Variants in SEMA5A observed in about 807,000 individuals in gnomAD.
SEMA5A encodes the protein semaphorin 5A, also known as semaphorin-5A.
SEMA5A carries 55 observed loss-of-function variants against 135.5 expected under a neutral mutation model. That is an observed-to-expected ratio of 0.41 (90% CI 0.33 to 0.51). SEMA5A has a LOEUF of 0.51. SEMA5A is among the 20% of genes least tolerant of loss of function. The pLI is 0.37. For missense variants in SEMA5A, 1,290 were observed against 1,419.9 expected (o/e 0.91, Z 1.47); for synonymous variants, 580 against 546.5 (o/e 1.06, Z -0.85).
intron 12 of SEMA5A, among the ~76,000 whole-genome samples, chr5:9,142,724 T>G (rs527911144): frequency 1.1e-4 from 16 of 152,310 alleles, no homozygotes; most frequent in African/African-American, 3.6e-4. Context: ...CCCAACACTT[T>G]GGGAGCTAAA....
intron 16 of SEMA5A, among the ~76,000 whole-genome samples, chr5:9,090,722 G>A (rs1309310652): frequency 1.3e-5 from 2 of 152,202 alleles, no homozygotes; most frequent in African/African-American, 4.8e-5. Flanking sequence ...AAGAGACAGG[G>A]CACCTGCAAC....
chr5:9,467,512 G>C (rs375461510), intron 1 of SEMA5A, among the ~76,000 whole-genome samples: 13 of 152,184 alleles, frequency 8.5e-5, no homozygotes, highest in African/African-American at 2.4e-4. Flanking sequence ...GTATTTACTG[G>C]AGGACTCCAA....
At chr5:9,281,940 G>A (rs372977624) in intron 5 of SEMA5A, among the ~76,000 whole-genome samples, 79 of 150,924 alleles carry the variant, frequency 5.2e-4, no homozygotes, top group African/African-American at 1.8e-3. Flanking sequence ...AGCCTGTCAC[G>A]TAGCTGGGAT....
chr5:9,133,458 A>AAAG (rs1741551115), intron 13 of SEMA5A, among the ~76,000 whole-genome samples: 2 of 152,162 alleles, frequency 1.3e-5, no homozygotes, highest in Non-Finnish European at 2.9e-5. Flanking sequence ...GTATCTTGAT[A>AAAG]TGTGATAAAA....
intron 5 of SEMA5A, among the ~76,000 whole-genome samples, chr5:9,314,669 C>A (rs188139333): frequency 6.6e-6 from 1 of 151,940 alleles, no homozygotes; most frequent in East Asian, 1.9e-4. Flanking sequence ...TAGAAACCAA[C>A]AAGGCCTCTT....
At chr5:9,136,095 T>C (rs373202376) in intron 13 of SEMA5A, among the ~76,000 whole-genome samples, 3 of 152,184 alleles carry the variant, frequency 2.0e-5, no homozygotes, top group African/African-American at 4.8e-5. Context: ...AGTTTATTCT[T>C]TTCTCATCTT....
intron 2 of SEMA5A, among the ~76,000 whole-genome samples, chr5:9,384,587 GATA>G (rs1755762793): frequency 1.0e-5 from 1 of 95,244 alleles, no homozygotes; most frequent in African/African-American, 3.9e-5. Context: ...TAGATAGATA[GATA>G]GATAGATAGA....
At position 9,134,322 on chromosome 5, in the gene SEMA5A, C is replaced by T. The variant is rs75641272; in HGVS notation, c.1599+2182G>A. 8.0e-3 allele frequency among the ~76,000 whole-genome samples: 1,218 copies of T among 152,140 alleles called. 4 individuals carry two copies. The highest frequency in any genetic ancestry group is 0.02 in the South Asian group (95 of 4,820). On this transcript the variant is annotated intron_variant, in intron 13 of 22. Transcript: ENST00000382496. Reference sequence around the variant, plus strand: ...CATCATGCCTAATTAAATTATTTTACTTTTCTGTAGAGTCAGGGCCTTGCT... The same window carrying T: ...CATCATGCCTAATTAAATTATTTTATTTTTCTGTAGAGTCAGGGCCTTGCT...
intron 11 of SEMA5A, among the ~76,000 whole-genome samples, chr5:9,167,818 T>C (rs1743696244): frequency 6.6e-6 from 1 of 152,216 alleles, no homozygotes; most frequent in African/African-American, 2.4e-5. Context: ...TGCTGAGCCT[T>C]ATCCTTATTC....
At chr5:9,185,597 AT>A (rs1360617531) in intron 11 of SEMA5A, among the ~76,000 whole-genome samples, 7 of 152,216 alleles carry the variant, frequency 4.6e-5, no homozygotes, top group Non-Finnish European at 7.3e-5. Context: ...CTTTTAAAAA[AT>A]ATATTTATTG....
In SEMA5A at chr5:9,502,124, AAAC is replaced by A. The variant is rs1253434856; in HGVS notation, c.-175+43457_-175+43459del. On this transcript the variant is annotated intron_variant, in intron 1 of 22. Transcript: ENST00000382496. Reference sequence around the variant, plus strand: ...GTCCCTAAATATTTTTTTAAATAAAAAACAACAATATTGAGGAAGTCACTGAAA... The same window carrying A: ...GTCCCTAAATATTTTTTTAAATAAAAAACAATATTGAGGAAGTCACTGAAA... Among the ~76,000 whole-genome samples the A allele has an allele frequency of 2.0e-5, 3 of 152,220 alleles. 1 individual carries two copies. The highest frequency in any genetic ancestry group is 4.4e-5 in the Non-Finnish European group (3 of 68,042).
chr5:9,137,119 G>A (rs1466872538), intron 12 of SEMA5A, among the ~76,000 whole-genome samples: 1 of 152,054 alleles, frequency 6.6e-6, no homozygotes, highest in South Asian at 2.1e-4. Context: ...AATCATCATC[G>A]TTATTACCAC....
At chr5:9,396,649 CA>C (rs1171362304) in intron 2 of SEMA5A, among the ~76,000 whole-genome samples, 2 of 152,106 alleles carry the variant, frequency 1.3e-5, no homozygotes, top group African/African-American at 4.8e-5. Flanking sequence ...GCCCAGCACC[CA>C]CCAAAAATAC....
intron 1 of SEMA5A, among the ~76,000 whole-genome samples, chr5:9,522,576 T>C (rs1487742677): frequency 1.3e-5 from 2 of 151,792 alleles, no homozygotes; most frequent in Non-Finnish European, 2.9e-5. Context: ...AAACTCCATC[T>C]CAAAAAAAAT....
chr5:9,179,977 G>A (rs890049234), intron 11 of SEMA5A, among the ~76,000 whole-genome samples: 2 of 152,218 alleles, frequency 1.3e-5, no homozygotes, highest in African/African-American at 4.8e-5. Flanking sequence ...ACTTTCTTAA[G>A]AATCTGGGTG....
At chr5:9,305,728 T>TATATATGTGTATATATATATA (rs1287444762) in intron 5 of SEMA5A, among the ~76,000 whole-genome samples, 8 of 95,038 alleles carry the variant, frequency 8.4e-5, no homozygotes, top group Middle Eastern at 5.2e-3. Context: ...ATATATATAT[T>TATATATGTGTATATATATATA]TACACGCACA....
intron 2 of SEMA5A, among the ~76,000 whole-genome samples, chr5:9,419,428 A>G (rs546617442): frequency 6.6e-6 from 1 of 152,170 alleles, no homozygotes; most frequent in Non-Finnish European, 1.5e-5. Context: ...AAGGGGAAAG[A>G]TAGAGGAAGG....
chr5:9,153,436 A>G (rs1469550548), intron 12 of SEMA5A, among the ~76,000 whole-genome samples: 1 of 152,208 alleles, frequency 6.6e-6, no homozygotes, highest in African/African-American at 2.4e-5. Flanking sequence ...AACTTTAAAC[A>G]CAACTGTGGT....
intron 1 of SEMA5A, among the ~76,000 whole-genome samples, chr5:9,438,317 G>C (rs1758106962): frequency 6.6e-6 from 1 of 152,144 alleles, no homozygotes; most frequent in Non-Finnish European, 1.5e-5. Flanking sequence ...CTAGAAATTT[G>C]AGTTTGTATT....
Sources: allele counts gnomAD v4.1 joint callset (sites outside exome capture counted in the v4.1 genomes callset), GRCh38; gene constraint gnomAD v4.1.1; transcripts MANE v1.5; gene names NCBI Gene and HGNC (gene_info 2026-07-23, HGNC 2026-07-21).